PTPRB: variants seen among roughly 807,000 people sequenced by gnomAD.
PTPRB encodes the protein protein tyrosine phosphatase receptor type B.
In PTPRB, 97 loss-of-function variants were observed where a neutral mutation model predicts 238.1. The ratio of observed to expected loss-of-function variants is 0.41; its 90% CI spans 0.35 to 0.48. The LOEUF is 0.48. Ranked by LOEUF, PTPRB falls within the 20% of genes least tolerant of loss-of-function variation. PTPRB has a pLI of 0.30. For missense variants in PTPRB, 2,292 were observed against 2,681.9 expected (o/e 0.85, Z 3.21); for synonymous variants, 970 against 995.4 (o/e 0.97, Z 0.48).
chr12:70,587,793 C>G (rs1882067221), intron 8 of PTPRB, among the ~76,000 whole-genome samples: 1 of 151,924 alleles, frequency 6.6e-6, no homozygotes, highest in Admixed American at 6.6e-5. Flanking sequence ...GTTAAAATTT[C>G]TAGGAGACAT....
At chr12:70,579,404 G>A (rs762816260) in intron 10 of PTPRB, among the ~76,000 whole-genome samples, 6 of 152,198 alleles carry the variant, frequency 3.9e-5, no homozygotes, top group South Asian at 4.2e-4. Context: ...CAGGGAGAAA[G>A]ATGCAGGTGA....
At chr12:70,556,652 A>G (rs1273519820) in intron 18 of PTPRB, among the ~76,000 whole-genome samples, 4 of 152,212 alleles carry the variant, frequency 2.6e-5, no homozygotes, top group African/African-American at 7.2e-5. Flanking sequence ...CCAACCACAG[A>G]TCCAGGAAGC....
At chr12:70,542,131 TAGCC>T (rs1424319442) in intron 22 of PTPRB, 4 of 152,244 alleles carry the variant, frequency 2.6e-5, no homozygotes, top group Non-Finnish European at 4.4e-5. Context: ...TTTTTGATTA[TAGCC>T]ATGCTACTGG....
intron 3 of PTPRB, among the ~76,000 whole-genome samples, chr12:70,619,562 T>C (rs1884836248): frequency 6.6e-6 from 1 of 152,106 alleles, no homozygotes; most frequent in South Asian, 2.1e-4. Context: ...CTTCCACCTT[T>C]GACTTCTGGT....
At chr12:70,523,132 G>A (rs1871862472) in intron 33 of PTPRB, among the ~76,000 whole-genome samples, 1 of 151,948 alleles carries the variant, frequency 6.6e-6, no homozygotes, top group East Asian at 1.9e-4. Flanking sequence ...AAAGTGCTGG[G>A]ATTACAGTCT....
At chr12:70,572,113 A>C in intron 11 of PTPRB, 26 bp from the exon 12 acceptor site, 4 of 1,569,136 alleles carry the variant, frequency 2.5e-6, no homozygotes, top group African/African-American at 1.4e-5. Flanking sequence ...AGAGTAACTA[A>C]ATATTTATGA....
intron 2 of PTPRB, among the ~76,000 whole-genome samples, chr12:70,625,226 T>C (rs1423549855): frequency 9.9e-5 from 15 of 152,182 alleles, no homozygotes; most frequent in Admixed American, 5.9e-4. Context: ...AGTCTTAACA[T>C]TCAACTTCCA....
chr12:70,578,088 G>A (rs549991474), intron 10 of PTPRB, among the ~76,000 whole-genome samples: 28 of 152,178 alleles, frequency 1.8e-4, no homozygotes, highest in African/African-American at 6.3e-4. Context: ...TGATTCACAT[G>A]TTTAAGAAAA....
intron 33 of PTPRB, among the ~76,000 whole-genome samples, chr12:70,524,260 A>G (rs990794972): frequency 6.7e-6 from 1 of 150,086 alleles, no homozygotes; most frequent in African/African-American, 2.4e-5. Context: ...GGCATGCACC[A>G]TGATGTCTGG....
chr12:70,609,269 G>A lies in PTPRB; in HGVS notation c.779C>T (p.Ser260Phe). Residue 260 changes from serine (S) to phenylalanine (F), a missense_variant, in exon 4 of 34, where the codon TCT (serine) becomes TTT (phenylalanine). Coordinates refer to ENST00000334414, the MANE Select transcript of PTPRB (RefSeq NM_001109754.4). ...AESKASSHSV[S>F]IQWRILGSPC... is the part of the protein sequence containing the mutation. ...TGAGCCCAAAATTCTCCACTGGATA[G>A]ACACAGAATGGCTGGAGGCCTTGGA... The A allele has an allele frequency of 1.2e-6, 2 of 1,614,060 alleles. No individual in the cohort carries two copies. The highest frequency in any genetic ancestry group is 1.7e-6 in the Non-Finnish European group (2 of 1,179,904).
intron 2 of PTPRB, among the ~76,000 whole-genome samples, chr12:70,625,564 T>TA (rs1181856331): frequency 4.0e-5 from 6 of 151,054 alleles, no homozygotes; most frequent in Non-Finnish European, 8.8e-5. Context: ...TTTTTTTTTT[T>TA]ATCTCCTGAA....
intron 28 of PTPRB, among the ~76,000 whole-genome samples, chr12:70,537,343 C>T (rs1161547622): frequency 6.6e-6 from 1 of 151,228 alleles, no homozygotes; most frequent in Non-Finnish European, 1.5e-5. Flanking sequence ...CTGCCTCAGC[C>T]CTGATGGATC....
intron 23 of PTPRB, 27 bp downstream of exon 23, chr12:70,540,831 A>C: frequency 6.5e-7 from 1 of 1,535,990 alleles, no homozygotes; most frequent in Non-Finnish European, 8.9e-7. Context: ...TTGTGGGTCC[A>C]ATCACCAAAA....
intron 26 of PTPRB, 195 bp downstream of exon 26, chr12:70,539,430 G>A: frequency 1.7e-6 from 1 of 588,358 alleles, no homozygotes; most frequent in Non-Finnish European, 3.0e-6. Context: ...TTATTCTGGA[G>A]CTCAAGCTGG....
rs767836009 is a variant in PTPRB, at chr12:70,594,474, G to C, written c.1509C>G (p.Val503=). Residue 503 remains valine (V), a synonymous_variant, in exon 6 of 34, where the codon GTC becomes GTG. Coordinates refer to ENST00000334414, the MANE Select transcript of PTPRB (RefSeq NM_001109754.4). ...TAGCTAGGGGGAACTTACCTGTCCT[G>C]ACTAGTTTCCACCTGTAGTTTTGCA... ...AGLQNYRWKL[V]RTAPMEVSNL... 9.3e-6 allele frequency: 15 copies of C among 1,613,782 alleles called. No individual in the cohort carries two copies. The highest frequency in any genetic ancestry group is 6.7e-5 in the Admixed American group (4 of 59,988).
chr12:70,539,563 A>G (rs1874716627), intron 26 of PTPRB, 62 bp downstream of exon 26: 1 of 1,312,206 alleles, frequency 7.6e-7, no homozygotes, highest in Non-Finnish European at 1.1e-6. Context: ...CACAGTAAAC[A>G]TTAGGAAGGA....
chr12:70,594,341 G>T lies in PTPRB; in HGVS notation c.1516+126C>A, dbSNP rs542604086. On this transcript the variant is annotated intron_variant, in intron 6 of 33. Coordinates refer to ENST00000334414, the MANE Select transcript of PTPRB (RefSeq NM_001109754.4). Reference sequence around the variant, plus strand: ...TTTTCTGAGTAGAAAAGTGGATATGGGTCTTCTATACCTTATAAGAATTTC... The same window carrying T: ...TTTTCTGAGTAGAAAAGTGGATATGTGTCTTCTATACCTTATAAGAATTTC... 4 of 1,238,274 alleles carry T rather than the reference G, an allele frequency of 3.2e-6. No individual in the cohort carries two copies. In the South Asian group the frequency reaches 6.5e-5, roughly 20 times the overall value. 76.7% of individuals were successfully genotyped at this position (1,238,274 alleles called of 1,614,324 possible). A position where few individuals can be genotyped will look rare whatever the true frequency, so the allele number is the denominator to read the frequency against.
At position 70,622,408 on chromosome 12, in the gene PTPRB, G is replaced by T; in HGVS notation, c.690C>A (p.Phe230Leu). ...TSWVLSTTQP[F>L]SSTTEETGLA... ...CTTTTACCTCTTCAGTGGTGCTGGA[G>T]AAGGGCTGAGTAGTCGACAAAACCC... Residue 230 changes from phenylalanine (F) to leucine (L), a missense_variant, in exon 3 of 34, where the codon TTC (phenylalanine) becomes TTA (leucine). By Grantham distance (22) the Phe-to-Leu change is conservative. This residue lies in a region of PTPRB where 1,205 missense variants were observed against 1,287.8 expected (regional missense o/e 0.94). Coordinates refer to ENST00000334414, the MANE Select transcript of PTPRB (RefSeq NM_001109754.4). The T allele has an allele frequency of 1.2e-6, 2 of 1,612,080 alleles. No homozygotes were observed. Among genetic ancestry groups the T allele is most frequent in the Non-Finnish European group, 1.7e-6 (2 of 1,179,574 alleles).
intron 21 of PTPRB, among the ~76,000 whole-genome samples, chr12:70,548,581 G>A (rs1186612671): frequency 6.6e-6 from 1 of 152,088 alleles, no homozygotes; most frequent in Admixed American, 6.5e-5. Context: ...TAAACACAAA[G>A]TACTGAATGA....
Sources: gnomAD v4.1 joint callset for allele counts (sites outside exome capture counted in the v4.1 genomes callset) on GRCh38, gnomAD v4.1.1 for gene constraint, gnomAD v4.1.1 regional missense constraint, MANE v1.5 for transcripts, NCBI Gene and HGNC (gene_info 2026-07-23, HGNC 2026-07-21) for gene names.